ZKSCAN8: variants seen among roughly 807,000 people sequenced by gnomAD.
The protein encoded by ZKSCAN8 is zinc finger with KRAB and SCAN domains 8.
ZKSCAN8 carries 27 observed loss-of-function variants against 57.2 expected under a neutral mutation model. That is an observed-to-expected ratio of 0.47 (90% CI 0.35 to 0.65). The LOEUF (loss-of-function observed/expected upper bound fraction) is 0.65, where lower values mean the gene tolerates loss of function less well. ZKSCAN8 is among the 30% of genes least tolerant of loss of function. ZKSCAN8 has a pLI of 0.01. For missense variants in ZKSCAN8, 597 were observed against 696.3 expected, an observed-to-expected ratio of 0.86 and a Z score of 1.60; for synonymous variants, 214 against 248.7, an observed-to-expected ratio of 0.86 and a Z score of 1.31.
chr6:28,150,344 C>T (rs1302135871), intron 3 of ZKSCAN8, among the ~76,000 whole-genome samples: 1 of 152,052 alleles, frequency 6.6e-6, no homozygotes, highest in East Asian at 1.9e-4. Context: ...ATATATTTGG[C>T]AGGAACACCT....
In ZKSCAN8 at chr6:28,158,615, A is replaced by G. The variant is rs1401366829; in HGVS notation, c.*4598A>G. ...AAACTTGCTGTCAGTCCAGTTTTTA[A>G]TCAGTTTTCTCCTTGAGGCTTGATC... On this transcript the variant is annotated 3_prime_UTR_variant, in exon 6 of 6. Coordinates refer to ENST00000330236, the MANE Select transcript of ZKSCAN8 (RefSeq NM_006298.4). 1.3e-5 allele frequency: 2 copies of G among 152,160 alleles called. No homozygotes were observed. Among genetic ancestry groups the G allele is most frequent in the African/African-American group, 4.8e-5 (2 of 41,430 alleles). The allele number at this position is 152,160 out of a possible 1,614,324, so 9.4% of individuals were successfully genotyped here. A position where few individuals can be genotyped will look rare whatever the true frequency, so the allele number is the denominator to read the frequency against.
chr6:28,151,420 A>G (rs569460344), intron 3 of ZKSCAN8, among the ~76,000 whole-genome samples: 3 of 151,952 alleles, frequency 2.0e-5, no homozygotes, highest in South Asian at 4.4e-4. Flanking sequence ...TTTAATATCT[A>G]TAGAAAGCAA....
Position 28,148,405 on chromosome 6 carries a change from C to A in ZKSCAN8, c.-3C>A. 1.2e-6 allele frequency: 2 copies of A among 1,607,690 alleles called. No homozygotes were observed. The highest frequency in any genetic ancestry group is 2.2e-5 in the South Asian group (2 of 90,804). On this transcript the variant is annotated 5_prime_UTR_variant, in exon 2 of 6. Transcript: ENST00000330236. The stretch of plus-strand genomic sequence containing the variant: ...ACGAACTTCCTGAGCTTTTCAGGCT[C>A]TAATGGCTGAAGAATCAAGAAAGCC...
At chr6:28,149,653 G>T (rs201805265) in intron 3 of ZKSCAN8, 29 bp downstream of exon 3, 36 of 1,609,278 alleles carry the variant, frequency 2.2e-5, no homozygotes, top group East Asian at 1.1e-4. Flanking sequence ...TTGATGATAA[G>T]GGGGGGAAGT....
rs1287442952 is a variant in ZKSCAN8, at chr6:28,153,326, C to T, written c.1046C>T (p.Pro349Leu). 2.5e-6 allele frequency: 4 copies of T among 1,614,180 alleles called. No individual in the cohort carries two copies. The highest frequency in any genetic ancestry group is 1.7e-6 in the Non-Finnish European group (2 of 1,180,030). ...RHWRIHTGEK[P>L]YQCNVCGKAF... Reference sequence around the variant, plus strand: ...TGGAGAATCCACACTGGGGAGAAACCCTATCAGTGTAATGTGTGTGGTAAA... The same window carrying T: ...TGGAGAATCCACACTGGGGAGAAACTCTATCAGTGTAATGTGTGTGGTAAA... The change falls in exon 6 of 6, where the codon CCC becomes CTC. Residue 349 changes from proline to leucine, a missense_variant. Coordinates refer to ENST00000330236, the MANE Select transcript of ZKSCAN8 (RefSeq NM_006298.4).
chr6:28,149,458 T>C (rs766124629), intron 2 of ZKSCAN8, 25 bp from the exon 3 acceptor site: 2 of 1,612,768 alleles, frequency 1.2e-6, no homozygotes, highest in African/African-American at 2.7e-5. Flanking sequence ...GGATTCCTTA[T>C]TATCCAACTG....
At chr6:28,151,589 G>A (rs189915557) in intron 3 of ZKSCAN8, among the ~76,000 whole-genome samples, 4 of 152,162 alleles carry the variant, frequency 2.6e-5, no homozygotes, top group African/African-American at 7.2e-5. Flanking sequence ...ATTGAAAAGC[G>A]ATTCCTGTTA....
rs769238231 is a variant in ZKSCAN8 at position 28,153,781 on chromosome 6, C to T, written c.1501C>T (p.Gln501Ter). Reference protein sequence around the residue: ...KCNECGRAFSQKSGLIEHQRI... With the variant: ...KCNECGRAFS Reference sequence around the variant, plus strand: ...CAATGAGTGTGGGAGGGCCTTCAGTCAGAAGTCAGGCCTTATTGAACATCA... The same window carrying T: ...CAATGAGTGTGGGAGGGCCTTCAGTTAGAAGTCAGGCCTTATTGAACATCA... The change falls in exon 6 of 6, where the codon CAG becomes TAG. Residue 501 changes from glutamine to a stop codon, truncating the protein, a stop_gained. Transcript: ENST00000330236. LOFTEE classifies it high-confidence loss of function. 1 of 1,613,804 alleles carries T rather than the reference C, an allele frequency of 6.2e-7. No individual in the cohort carries two copies. Among genetic ancestry groups the T allele is most frequent in the Non-Finnish European group, 8.5e-7 (1 of 1,179,914 alleles).
chr6:28,156,235 A>T lies in ZKSCAN8; in HGVS notation c.*2218A>T, dbSNP rs1434955896. On this transcript the variant is annotated 3_prime_UTR_variant, in exon 6 of 6. Transcript: ENST00000330236. ...AACGCTTCTCTTCTATTCCAATAAA[A>T]AGTCCTTTTAGCAATGCAACATATT... 1 of 398,238 alleles carries T rather than the reference A, an allele frequency of 2.5e-6. No homozygotes were observed. Among genetic ancestry groups the T allele is most frequent in the East Asian group, 3.6e-5 (1 of 28,066 alleles). The allele number at this position is 398,238 out of a possible 1,614,324, so 24.7% of individuals were successfully genotyped here.
Position 28,152,371 on chromosome 6 carries a change from CAT to C in ZKSCAN8, c.763_764del (p.Met255ValfsTer6). 6.2e-7 allele frequency: 1 copy of C among 1,607,228 alleles called. No homozygotes were observed. Among genetic ancestry groups the C allele is most frequent in the Non-Finnish European group, 8.5e-7 (1 of 1,178,230 alleles). On this transcript the variant is annotated frameshift_variant, in exon 5 of 6. Coordinates refer to ENST00000330236, the MANE Select transcript of ZKSCAN8 (RefSeq NM_006298.4). LOFTEE classifies it high-confidence loss of function. ...ATAACAGGCCAGAAAATTTCAGAAA[CAT>C]GTTCTCCCTGGGTAAGGAGAGGTGT... ...RDNRPENFRNMFSLGGETRSE... is the reference protein window; with the variant it reads ...RDNRPENFRNXFSLGGETRSE...
rs376930094 is a variant in ZKSCAN8 at position 28,152,850 on chromosome 6, T to C, written c.776-206T>C. 5.4e-4 allele frequency among the ~76,000 whole-genome samples: 82 copies of C among 152,298 alleles called. No individual in the cohort carries two copies. The South Asian group carries it at 0.015, about 28-fold the overall frequency. ...TAGTTCCCCTTCCAATTAACTCTCT[T>C]TTTTTAATGGTACCTCTTTCCCAGT... is the stretch of plus-strand genomic sequence containing the variant. On this transcript the variant is annotated intron_variant, in intron 5 of 5. Transcript: ENST00000330236.
In ZKSCAN8 at chr6:28,159,370, TA is replaced by T. The variant is rs764584159; in HGVS notation, c.*5355del. ...ATTGTAAGCTCCTTGAGGGCAGGAATAATAACTTTTACATTTGTATCTCTGC... is the reference window on the plus strand; with the variant it reads ...ATTGTAAGCTCCTTGAGGGCAGGAATATAACTTTTACATTTGTATCTCTGC... On this transcript the variant is annotated 3_prime_UTR_variant, in exon 6 of 6. Coordinates refer to ENST00000330236, the MANE Select transcript of ZKSCAN8 (RefSeq NM_006298.4). 2 of 152,258 alleles carry T rather than the reference TA, an allele frequency of 1.3e-5. No homozygotes were observed. The highest frequency in any genetic ancestry group is 2.9e-5 in the Non-Finnish European group (2 of 68,058). The allele number at this position is 152,258 out of a possible 1,614,324, so 9.4% of individuals were successfully genotyped here.
chr6:28,141,679 G>A (rs1306256475), upstream of ZKSCAN8, among the ~76,000 whole-genome samples: 6 of 152,344 alleles, frequency 3.9e-5, no homozygotes, highest in East Asian at 1.2e-3. Flanking sequence ...ACCAAGGTCC[G>A]TTATTCCCCA....
At chr6:28,152,736 C>T (rs1253295784) in intron 5 of ZKSCAN8, among the ~76,000 whole-genome samples, 3 of 152,112 alleles carry the variant, frequency 2.0e-5, no homozygotes, top group Non-Finnish European at 4.4e-5. Flanking sequence ...GGGCATTTTC[C>T]CATTTCTGTC....
intron 1 of ZKSCAN8, among the ~76,000 whole-genome samples, chr6:28,146,286 T>G (rs553950933): frequency 8.5e-4 from 129 of 152,338 alleles, no homozygotes; most frequent in African/African-American, 3.1e-3. Flanking sequence ...TCAGAATTCC[T>G]TTGGAACTAA....
rs1040286585 is a variant in ZKSCAN8, at chr6:28,148,353, C to T, written c.-55C>T. ...AAAGAGGCCCTCAGAAGAGTCTTCTCTTAAGAAGATAAAGAAGGTAGTGGA... is the reference window on the plus strand; with the variant it reads ...AAAGAGGCCCTCAGAAGAGTCTTCTTTTAAGAAGATAAAGAAGGTAGTGGA... On this transcript the variant is annotated 5_prime_UTR_variant, in exon 2 of 6. Transcript: ENST00000330236. 5 of 1,537,766 alleles carry T rather than the reference C, an allele frequency of 3.3e-6. No homozygotes were observed. The highest frequency in any genetic ancestry group is 4.4e-6 in the Non-Finnish European group (5 of 1,137,140).
intron 3 of ZKSCAN8, among the ~76,000 whole-genome samples, chr6:28,151,485 T>G (rs1015312492): frequency 6.6e-6 from 1 of 152,188 alleles, no homozygotes; most frequent in Non-Finnish European, 1.5e-5. Flanking sequence ...TAGAGACTGG[T>G]TGATTCTGAT....
chr6:28,146,589 T>G (rs1023063725), intron 1 of ZKSCAN8, among the ~76,000 whole-genome samples: 1 of 152,210 alleles, frequency 6.6e-6, no homozygotes, highest in Admixed American at 6.5e-5. Context: ...TCAATAATTT[T>G]TTGTAGAAAT....
chr6:28,148,250 A>T, intron 1 of ZKSCAN8, 66 bp from the exon 2 acceptor site: 1 of 723,772 alleles, frequency 1.4e-6, no homozygotes, highest in Non-Finnish European at 2.2e-6. Context: ...GGAACTTGTT[A>T]AGATACCATA....
Sources: gnomAD v4.1 joint callset for allele counts (sites outside exome capture counted in the v4.1 genomes callset) on GRCh38, gnomAD v4.1.1 for gene constraint, MANE v1.5 for transcripts, NCBI Gene and HGNC (gene_info 2026-07-23, HGNC 2026-07-21) for gene names.